Variants in FMN1 observed in about 807,000 individuals in gnomAD.
FMN1 encodes the protein formin-1.
A neutral mutation model predicts 132.4 loss-of-function variants in FMN1; 110 were observed. The ratio of observed to expected loss-of-function variants is 0.83; its 90% CI spans 0.71 to 0.97. FMN1 has a LOEUF of 0.97. FMN1 is among the 50% of genes least tolerant of loss of function. The probability of loss-of-function intolerance (pLI) is 0.00; values close to 1 mark genes in which losing one functional copy is unlikely to be tolerated. For synonymous variants in FMN1, 722 were observed against 651.7 expected (o/e 1.11, Z -1.64); for missense variants, 1,792 against 1,705.3 (o/e 1.05, Z -0.90).
intron 5 of FMN1, among the ~76,000 whole-genome samples, chr15:33,087,602 G>T (rs2038745514): frequency 6.6e-6 from 1 of 152,068 alleles, no homozygotes; most frequent in South Asian, 2.1e-4. Context: ...ATGTTTTTCT[G>T]AACTAAAAGT....
Position 33,154,898 on chromosome 15 carries a change from C to A in FMN1, c.17G>T (p.Cys6Phe), listed in dbSNP as rs568995517. 2.0e-6 allele frequency: 3 copies of A among 1,533,154 alleles called. No individual in the cohort carries two copies. Among genetic ancestry groups the A allele is most frequent in the South Asian group, 2.4e-5 (2 of 83,486 alleles). The allele number at this position is 1,533,154 out of a possible 1,614,324, so 95.0% of individuals were successfully genotyped here. The change falls in exon 4 of 21, where the codon TGT (cysteine) becomes TTT (phenylalanine). Residue 6 changes from cysteine to phenylalanine, a missense_variant. Transcript: ENST00000616417. Reference protein sequence around the residue: MEGTHCTLQLHKPITE... With the variant: MEGTHFTLQLHKPITE... ...AATGGGCTTATGCAATTGGAGGGTA[C>A]AATGAGTGCCTTCCATTATGCCTAC...
intron 5 of FMN1, among the ~76,000 whole-genome samples, chr15:33,069,801 T>C (rs1246376538): frequency 6.6e-6 from 1 of 152,124 alleles, no homozygotes; most frequent in African/African-American, 2.4e-5. Context: ...CATAGTATTT[T>C]TGGGAATTAT....
At chr15:32,800,632 G>A (rs1213788150) in intron 18 of FMN1, among the ~76,000 whole-genome samples, 1 of 152,216 alleles carries the variant, frequency 6.6e-6, no homozygotes, top group Non-Finnish European at 1.5e-5. Context: ...GGAATTTACA[G>A]GATGACTTGC....
At chr15:32,820,239 A>G (rs2058173874) in intron 17 of FMN1, among the ~76,000 whole-genome samples, 3 of 152,290 alleles carry the variant, frequency 2.0e-5, no homozygotes, top group South Asian at 4.1e-4. Context: ...TCCCTCTACT[A>G]TAAAAAGTGA....
chr15:32,777,670 AAC>A (rs1449483025), intron 19 of FMN1, among the ~76,000 whole-genome samples: 3 of 144,378 alleles, frequency 2.1e-5, no homozygotes, highest in Non-Finnish European at 4.5e-5. Flanking sequence ...CGTATAACAT[AAC>A]ACATTTATAT....
At chr15:32,983,418 A>T (rs942188071) in intron 7 of FMN1, among the ~76,000 whole-genome samples, 10 of 152,204 alleles carry the variant, frequency 6.6e-5, no homozygotes, top group Non-Finnish European at 1.5e-5. Flanking sequence ...GAAATGTTCT[A>T]CATCCTGATT....
At chr15:33,024,332 C>T (rs1029630848) in intron 6 of FMN1, among the ~76,000 whole-genome samples, 3 of 146,002 alleles carry the variant, frequency 2.1e-5, no homozygotes, top group Non-Finnish European at 3.0e-5. Flanking sequence ...CTGCAAGCTC[C>T]GCCTACTGGG....
chr15:32,843,906 A>G (rs1044580698), intron 17 of FMN1, among the ~76,000 whole-genome samples: 2 of 152,210 alleles, frequency 1.3e-5, no homozygotes, highest in Admixed American at 6.5e-5. Flanking sequence ...CCTTAACGAG[A>G]AGACCAGTTT....
intron 4 of FMN1, among the ~76,000 whole-genome samples, chr15:33,125,099 CATA>C (rs1255576228): frequency 2.0e-5 from 3 of 152,030 alleles, no homozygotes; most frequent in African/African-American, 4.8e-5. Flanking sequence ...TGTGAAATAA[CATA>C]ATGCCTTAGA....
In FMN1 at chr15:33,128,645, G is replaced by C. The variant is rs142203700; in HGVS notation, c.1867+24403C>G. ...GCAAGTGTTACAGCTCTTAAAGACG[G>C]TGCGTCCGGATGCTCCGGTGAGTTT... On this transcript the variant is annotated intron_variant, in intron 4 of 20. Transcript: ENST00000616417. Among the ~76,000 whole-genome samples the C allele has an allele frequency of 2.6e-3, 396 of 152,256 alleles. 1 individual carries two copies. Among genetic ancestry groups the C allele is most frequent in the African/African-American group, 9.2e-3 (383 of 41,548 alleles).
At chr15:33,021,407 T>C (rs1300729865) in intron 6 of FMN1, among the ~76,000 whole-genome samples, 1 of 152,132 alleles carries the variant, frequency 6.6e-6, no homozygotes, top group Non-Finnish European at 1.5e-5. Context: ...TTCCAGCAAC[T>C]GGGGTGGAGT....
chr15:32,919,157 TG>T lies in FMN1; in HGVS notation c.3226+7016del, dbSNP rs36036866. Among the ~76,000 whole-genome samples the T allele has an allele frequency of 3.0e-4, 46 of 151,658 alleles. 1 individual carries two copies. Among genetic ancestry groups the T allele is most frequent in the Middle Eastern group, 3.4e-3 (1 of 294 alleles). Reference sequence around the variant, plus strand: ...TTCCTTTGCTTTCAACATATTGTGATGGGGGGGGTATTAAATGAAGTTTTCT... The same window carrying T: ...TTCCTTTGCTTTCAACATATTGTGATGGGGGGGTATTAAATGAAGTTTTCT... On this transcript the variant is annotated intron_variant, in intron 10 of 20. Transcript: ENST00000616417.
At chr15:32,850,311 G>T (rs2058979909) in intron 17 of FMN1, among the ~76,000 whole-genome samples, 1 of 152,194 alleles carries the variant, frequency 6.6e-6, no homozygotes, top group Non-Finnish European at 1.5e-5. Context: ...AAGAGATTAT[G>T]TAATAACCTG....
chr15:33,098,279 A>AT (rs2141400318), intron 4 of FMN1, among the ~76,000 whole-genome samples: 1 of 152,296 alleles, frequency 6.6e-6, no homozygotes, highest in Non-Finnish European at 1.5e-5. Context: ...GGCTGATGGC[A>AT]TTTCTCCTCC....
Position 32,902,016 on chromosome 15 carries a change from A to C in FMN1, c.3402T>G (p.Ile1134Met), listed in dbSNP as rs1425729043. 6.2e-7 allele frequency: 1 copy of C among 1,612,902 alleles called. No individual in the cohort carries two copies. Among genetic ancestry groups the C allele is most frequent in the Admixed American group, 1.7e-5 (1 of 59,912 alleles). ...ACTGGGCACGTTCAGCAAAATTAGG[A>C]ATCTGGGCTAACTCATGTAAAAATC... ...PEQFLHELAQ[I>M]PNFAERAQCI... The change falls in exon 13 of 21, where the codon ATT becomes ATG. Residue 1134 changes from isoleucine to methionine, a missense_variant. Physicochemically the swap from Ile to Met is conservative, Grantham distance 10. Coordinates refer to ENST00000616417, the MANE Select transcript of FMN1 (RefSeq NM_001277313.2).
chr15:32,804,088 G>A (rs751569396), intron 18 of FMN1, among the ~76,000 whole-genome samples, 193 bp downstream of exon 18: 1 of 152,160 alleles, frequency 6.6e-6, no homozygotes, highest in Admixed American at 6.5e-5. Context: ...GAGACAGAAA[G>A]TAGAACGGTG....
intron 6 of FMN1, among the ~76,000 whole-genome samples, chr15:33,038,694 G>T (rs2036293063): frequency 6.6e-6 from 1 of 152,140 alleles, no homozygotes. Context: ...AAATTATTTG[G>T]AATTATCCTT....
intron 17 of FMN1, among the ~76,000 whole-genome samples, chr15:32,805,744 A>G (rs1374684107): frequency 6.6e-6 from 1 of 152,216 alleles, no homozygotes; most frequent in Non-Finnish European, 1.5e-5. Context: ...TACTCTAAAC[A>G]TTATAAATCC....
chr15:32,822,057 A>G (rs374479338), intron 17 of FMN1, among the ~76,000 whole-genome samples: 2 of 152,198 alleles, frequency 1.3e-5, no homozygotes, highest in African/African-American at 4.8e-5. Flanking sequence ...AACTTGAAGA[A>G]GTACAACTTC....
Sources: gnomAD v4.1 joint callset for allele counts (sites outside exome capture counted in the v4.1 genomes callset) on GRCh38, gnomAD v4.1.1 for gene constraint, MANE v1.5 for transcripts, NCBI Gene and HGNC (gene_info 2026-07-23, HGNC 2026-07-21) for gene names.